COL24A1: variants seen among roughly 807,000 people sequenced by gnomAD.
COL24A1 encodes the protein collagen type XXIV alpha 1 chain.
A neutral mutation model predicts 253.9 loss-of-function variants in COL24A1; 224 were observed. The observed-to-expected ratio is 0.88, with a 90% confidence interval of 0.79 to 0.99. The LOEUF (loss-of-function observed/expected upper bound fraction) is 0.99. Ranked by LOEUF, COL24A1 falls within the 50% of genes least tolerant of loss-of-function variation. COL24A1 has a pLI of 0.00. For synonymous variants in COL24A1, 685 were observed against 673.7 expected (o/e 1.02, Z -0.26); for missense variants, 2,131 against 2,068.5 (o/e 1.03, Z -0.59).
intron 37 of COL24A1, among the ~76,000 whole-genome samples, chr1:85,853,341 C>T (rs1678024706): frequency 1.3e-5 from 2 of 152,244 alleles, no homozygotes; most frequent in Admixed American, 6.5e-5. Flanking sequence ...ATGGTGTATA[C>T]ATACCACTTT....
chr1:86,105,822 C>T (rs528937246), intron 5 of COL24A1, among the ~76,000 whole-genome samples: 1 of 152,276 alleles, frequency 6.6e-6, no homozygotes, highest in South Asian at 2.1e-4. Flanking sequence ...GCAGGTTGCT[C>T]CTTGCCAGTT....
intron 7 of COL24A1, among the ~76,000 whole-genome samples, chr1:86,075,831 T>A (rs571714513): frequency 6.6e-6 from 1 of 152,106 alleles, no homozygotes; most frequent in African/African-American, 2.4e-5. Flanking sequence ...AAGCCTTCAA[T>A]AAAATTCAAC....
chr1:86,071,105 C>T (rs754500147), intron 7 of COL24A1, among the ~76,000 whole-genome samples: 8 of 151,938 alleles, frequency 5.3e-5, no homozygotes, highest in Non-Finnish European at 1.2e-4. Flanking sequence ...GAAGTTAAGG[C>T]ATAGAGTTTT....
At chr1:85,768,878 G>A (rs1218942663) in intron 53 of COL24A1, among the ~76,000 whole-genome samples, 1 of 152,014 alleles carries the variant, frequency 6.6e-6, no homozygotes, top group African/African-American at 2.4e-5. Flanking sequence ...TTATGTATCC[G>A]GTGCTATAAT....
chr1:85,797,330 C>T (rs1032677936), intron 47 of COL24A1, among the ~76,000 whole-genome samples: 3 of 151,984 alleles, frequency 2.0e-5, no homozygotes, highest in Admixed American at 1.3e-4. Flanking sequence ...AAGACAACAT[C>T]CATGCTCTGA....
At chr1:86,104,887 C>T (rs937141435) in intron 5 of COL24A1, among the ~76,000 whole-genome samples, 1 of 152,232 alleles carries the variant, frequency 6.6e-6, no homozygotes, top group Non-Finnish European at 1.5e-5. Context: ...TGGCAGGATG[C>T]TAGCGGGTGC....
chr1:85,926,243 C>T (rs1381303691), intron 24 of COL24A1, among the ~76,000 whole-genome samples: 4 of 152,164 alleles, frequency 2.6e-5, no homozygotes, highest in East Asian at 1.9e-4. Context: ...TAAACTAGTT[C>T]AACCATTGTG....
chr1:86,092,673 CTA>C (rs1703594242), intron 5 of COL24A1, among the ~76,000 whole-genome samples: 1 of 151,712 alleles, frequency 6.6e-6, no homozygotes, highest in African/African-American at 2.4e-5. Flanking sequence ...CATTGAAAGA[CTA>C]TTACTTTAGT....
rs532710224 is a variant in COL24A1, at chr1:86,104,178, CAT to C, written c.1599+8387_1599+8388del. On this transcript the variant is annotated intron_variant, in intron 5 of 59. Coordinates refer to ENST00000370571, the MANE Select transcript of COL24A1 (RefSeq NM_152890.7). ...TTCTTCGGCTTGGTCTGTTTTAACACATGTGATTGTATTATGAAATTCTTATG... is the reference window on the plus strand; with the variant it reads ...TTCTTCGGCTTGGTCTGTTTTAACACGTGATTGTATTATGAAATTCTTATG... Among the ~76,000 whole-genome samples, 26 of 152,196 alleles carry C rather than the reference CAT, an allele frequency of 1.7e-4. No individual in the cohort carries two copies. The South Asian group carries it at 5.0e-3, about 29-fold the overall frequency.
At chr1:85,800,582 G>A (rs1339417747) in intron 47 of COL24A1, among the ~76,000 whole-genome samples, 9 of 152,162 alleles carry the variant, frequency 5.9e-5, no homozygotes, top group African/African-American at 1.2e-4. Context: ...TTTGGAAAAT[G>A]AGCAGAATTA....
intron 52 of COL24A1, among the ~76,000 whole-genome samples, chr1:85,776,119 C>A (rs538659776): frequency 2.4e-4 from 37 of 152,172 alleles, no homozygotes; most frequent in African/African-American, 7.7e-4. Context: ...CTCTTTCTTG[C>A]AAATTTTAAT....
intron 37 of COL24A1, among the ~76,000 whole-genome samples, chr1:85,864,367 A>G (rs906863265): frequency 1.4e-5 from 2 of 139,810 alleles, no homozygotes; most frequent in Non-Finnish European, 3.1e-5. Context: ...ACTTGGACAC[A>G]GGAAGGGGAA....
At chr1:85,923,149 A>G (rs1686732517) in intron 24 of COL24A1, among the ~76,000 whole-genome samples, 2 of 152,156 alleles carry the variant, frequency 1.3e-5, no homozygotes, top group African/African-American at 2.4e-5. Flanking sequence ...AACCAATACA[A>G]GAGCACCCAG....
In COL24A1 at chr1:86,093,769, T is replaced by C. The variant is rs148116479; in HGVS notation, c.1600-1449A>G. ...ACAAAGGTCAAATACCCAGCATGTA[T>C]AGGAACTTAAACAAATTTACCAGAA... On this transcript the variant is annotated intron_variant, in intron 5 of 59. Transcript: ENST00000370571. Among the ~76,000 whole-genome samples the C allele has an allele frequency of 2.4e-3, 364 of 151,892 alleles. 9 individuals carry two copies. The East Asian group carries it at 0.044, about 19-fold the overall frequency.
chr1:85,888,804 C>T (rs1682795628), intron 32 of COL24A1, among the ~76,000 whole-genome samples: 1 of 151,970 alleles, frequency 6.6e-6, no homozygotes. Flanking sequence ...TAGAATTTTC[C>T]ATTTGCTACT....
At chr1:85,755,119 T>C (rs1158379690) in intron 55 of COL24A1, among the ~76,000 whole-genome samples, 1 of 152,060 alleles carries the variant, frequency 6.6e-6, no homozygotes, top group African/African-American at 2.4e-5. Flanking sequence ...TAAAAAACCA[T>C]AAAGGTGAGC....
chr1:85,832,852 T>A (rs1675495795), intron 43 of COL24A1, among the ~76,000 whole-genome samples: 4 of 150,860 alleles, frequency 2.7e-5, no homozygotes, highest in Non-Finnish European at 1.5e-5. Context: ...TTTCTAGATA[T>A]ACAATCATGT....
chr1:85,874,389 C>T (rs1020817873), intron 35 of COL24A1, among the ~76,000 whole-genome samples: 5 of 152,052 alleles, frequency 3.3e-5, no homozygotes, highest in East Asian at 1.9e-4. Flanking sequence ...CACAGTGACT[C>T]CACATTTTTG....
At chr1:86,053,230 G>A (rs569110813) in intron 10 of COL24A1, among the ~76,000 whole-genome samples, 41 of 152,032 alleles carry the variant, frequency 2.7e-4, no homozygotes, top group African/African-American at 9.2e-4. Context: ...TACAACAGGA[G>A]TTTTGGTTAT....
Sources: allele counts gnomAD v4.1 joint callset (sites outside exome capture counted in the v4.1 genomes callset), GRCh38; gene constraint gnomAD v4.1.1; transcripts MANE v1.5; gene names NCBI Gene and HGNC (gene_info 2026-07-23, HGNC 2026-07-21).